The following DAB2IP variants were observed in gnomAD, a reference collection of about 807,000 sequenced individuals.
DAB2IP encodes disabled homolog 2-interacting protein.
In DAB2IP, 28 loss-of-function variants were observed where a neutral mutation model predicts 107.2. That is an observed-to-expected ratio of 0.26 (90% CI 0.19 to 0.36). DAB2IP has a LOEUF of 0.36. DAB2IP is among the 10% of genes least tolerant of loss of function. The pLI, the probability that DAB2IP is intolerant of heterozygous loss-of-function variation, is 1.00. For synonymous variants in DAB2IP, 755 were observed against 706.4 expected, an observed-to-expected ratio of 1.07 and a Z score of -1.09; for missense variants, 1,400 against 1,644.7, an observed-to-expected ratio of 0.85 and a Z score of 2.57.
intron 1 of DAB2IP, among the ~76,000 whole-genome samples, chr9:121,602,055 A>G (rs886301376): frequency 1.3e-5 from 2 of 151,902 alleles, no homozygotes; most frequent in African/African-American, 4.8e-5. Context: ...CTCCCCCCCA[A>G]CCCAGGCCAT....
intron 1 of DAB2IP, among the ~76,000 whole-genome samples, chr9:121,658,121 G>A (rs1039269444): frequency 5.3e-5 from 8 of 152,180 alleles, no homozygotes; most frequent in African/African-American, 1.7e-4. Context: ...TTCAACTCCC[G>A]TGTACTGTTG....
Position 121,594,590 on chromosome 9 carries a change from C to T in DAB2IP, c.40+27362C>T, listed in dbSNP as rs146349158. Among the ~76,000 whole-genome samples the T allele has an allele frequency of 4.4e-4, 67 of 152,302 alleles. 1 individual carries two copies. Among genetic ancestry groups the T allele is most frequent in the Middle Eastern group, 3.4e-3 (1 of 294 alleles). ...AATGAAGACCAAGCAGTCAGTCCAGCAGGTGGTGGGGTTGCTTTTTCCTTT... is the reference window on the plus strand; with the variant it reads ...AATGAAGACCAAGCAGTCAGTCCAGTAGGTGGTGGGGTTGCTTTTTCCTTT... On this transcript the variant is annotated intron_variant, in intron 1 of 16. Coordinates refer to the DAB2IP transcript ENST00000259371.
intron 1 of DAB2IP, among the ~76,000 whole-genome samples, chr9:121,630,975 C>T (rs896577146): frequency 1.3e-5 from 2 of 152,334 alleles, no homozygotes; most frequent in South Asian, 2.1e-4. Flanking sequence ...CCAAAGGGCC[C>T]ATGGCATCTA....
chr9:121,641,901 CTTTCTT>C (rs756075230), intron 1 of DAB2IP, among the ~76,000 whole-genome samples: 1,152 of 82,688 alleles, frequency 0.014, 29 homozygotes, highest in Middle Eastern at 0.11. Flanking sequence ...CCCTTTCTTT[CTTTCTT>C]TCTTTCTTTC....
intron 1 of DAB2IP, among the ~76,000 whole-genome samples, chr9:121,658,633 A>G (rs1833068455): frequency 6.6e-6 from 1 of 152,250 alleles, no homozygotes; most frequent in Non-Finnish European, 1.5e-5. Context: ...TAAATAAGGA[A>G]GCAAGGGAAT....
At chr9:121,716,423 G>T (rs886456890) in intron 3 of DAB2IP, among the ~76,000 whole-genome samples, 4 of 152,204 alleles carry the variant, frequency 2.6e-5, no homozygotes, top group African/African-American at 9.7e-5. Context: ...GACTGGCTGT[G>T]CCCTGTCCCT....
intron 1 of DAB2IP, among the ~76,000 whole-genome samples, chr9:121,677,945 A>G (rs1257292857): frequency 6.6e-6 from 1 of 152,126 alleles, no homozygotes; most frequent in Admixed American, 6.6e-5. Flanking sequence ...CACAGGTGTG[A>G]GCCACTGTGC....
chr9:121,636,519 C>T (rs887745656), intron 1 of DAB2IP, among the ~76,000 whole-genome samples: 10 of 152,140 alleles, frequency 6.6e-5, no homozygotes, highest in Admixed American at 1.3e-4. Flanking sequence ...AGTGCCCCTA[C>T]GCCCAGTTCT....
At chr9:121,723,768 G>A (rs1483238030) in intron 3 of DAB2IP, among the ~76,000 whole-genome samples, 3 of 152,228 alleles carry the variant, frequency 2.0e-5, no homozygotes, top group Non-Finnish European at 1.5e-5. Flanking sequence ...GGCCCAGGGG[G>A]TAGGGCGGAG....
intron 1 of DAB2IP, among the ~76,000 whole-genome samples, chr9:121,609,352 C>A (rs1295700080): frequency 6.6e-6 from 1 of 152,156 alleles, no homozygotes; most frequent in Non-Finnish European, 1.5e-5. Context: ...CTAGCCCGAC[C>A]TGACTCATTG....
chr9:121,689,453 T>C (rs1829051271), intron 2 of DAB2IP, among the ~76,000 whole-genome samples: 1 of 152,166 alleles, frequency 6.6e-6, no homozygotes. Flanking sequence ...TATTCTGTAG[T>C]GAAAAGGGCT....
At chr9:121,660,898 C>G (rs2777307) in intron 1 of DAB2IP, among the ~76,000 whole-genome samples, 11,796 of 152,166 alleles carry the variant, frequency 0.078, 1,549 homozygotes, top group African/African-American at 0.27. Context: ...TATGCTACTT[C>G]ATAGTTTTCA....
chr9:121,641,990 TTCCTTTCTCTCTCTCTCTCTCTCTC>T (rs1197709373), intron 1 of DAB2IP, among the ~76,000 whole-genome samples: 9,578 of 113,086 alleles, frequency 0.085, 1,130 homozygotes, highest in African/African-American at 0.22. Context: ...CTTTCTTTCT[TTCCTTTCTCTCTCTCTCTCTCTCTC>T]TCTCTCTCTC....
intron 14 of DAB2IP, among the ~76,000 whole-genome samples, chr9:121,777,148 TC>T (rs2119027066): frequency 6.6e-6 from 1 of 152,246 alleles, no homozygotes; most frequent in South Asian, 2.1e-4. Context: ...GGAGTTTACT[TC>T]CTTCTCAGTA....
At chr9:121,757,041 T>C (rs188350283) in exon 4 of DAB2IP, 1 of 1,613,834 alleles carries the variant, frequency 6.2e-7, no homozygotes, top group East Asian at 2.2e-5. Flanking sequence ...GCTGAAGGAG[T>C]CTCGCTCCCA....
rs577401794 is a variant in DAB2IP at position 121,592,495 on chromosome 9, T to C, written c.40+25267T>C. 3.9e-5 allele frequency among the ~76,000 whole-genome samples: 6 copies of C among 152,360 alleles called. No individual in the cohort carries two copies. In the East Asian group the frequency reaches 1.2e-3, roughly 29 times the overall value. On this transcript the variant is annotated intron_variant, in intron 1 of 16. Coordinates refer to the DAB2IP transcript ENST00000259371. ...ATGTCACCAGGATAATATTACATTG[T>C]CCAGAGAGATCTGAACCAAAGAAGA...
At chr9:121,748,237 G>A (rs1167149433) in intron 3 of DAB2IP, among the ~76,000 whole-genome samples, 1 of 152,344 alleles carries the variant, frequency 6.6e-6, no homozygotes, top group East Asian at 1.9e-4. Context: ...CAGGGTCTGT[G>A]ATAGACCTTA....
intron 1 of DAB2IP, among the ~76,000 whole-genome samples, chr9:121,642,021 C>T (rs67400468): frequency 0.031 from 390 of 12,402 alleles, 7 homozygotes; most frequent in African/African-American, 0.11. Context: ...CTCTCTCTCT[C>T]TCTCTCTCTC....
chr9:121,783,028 CAGG>C, exon 16 of DAB2IP: 1 of 1,033,168 alleles, frequency 9.7e-7, no homozygotes, highest in Non-Finnish European at 1.2e-6. Context: ...GGACACAGAG[CAGG>C]AGGTCAGTGT....
Sources: allele counts gnomAD v4.1 joint callset (sites outside exome capture counted in the v4.1 genomes callset), GRCh38; gene constraint gnomAD v4.1.1; transcripts MANE v1.5; gene names NCBI Gene and HGNC (gene_info 2026-07-23, HGNC 2026-07-21).